Variants in PLXND1 observed in about 807,000 individuals in gnomAD.
The protein encoded by PLXND1 is plexin-D1.
In PLXND1, 54 loss-of-function variants were observed where a neutral mutation model predicts 197.7. The observed-to-expected ratio is 0.27, with a 90% CI of 0.22 to 0.34. The LOEUF (loss-of-function observed/expected upper bound fraction) is 0.34. Among genes scored for constraint, PLXND1 ranks in the 10% least tolerant of loss-of-function variants. PLXND1 has a pLI of 1.00. For missense variants in PLXND1, 2,127 were observed against 2,699.2 expected, an observed-to-expected ratio of 0.79 and a Z score of 4.70; for synonymous variants, 1,180 against 1,161.2, an observed-to-expected ratio of 1.02 and a Z score of -0.33.
intron 1 of PLXND1, among the ~76,000 whole-genome samples, chr3:129,595,058 G>A (rs1672721251): frequency 6.6e-6 from 1 of 152,160 alleles, no homozygotes; most frequent in South Asian, 2.1e-4. Context: ...AGCTTGGACA[G>A]CCCAGGTAGG....
chr3:129,572,891 G>A lies in PLXND1; in HGVS notation c.2888C>T (p.Thr963Ile), dbSNP rs375900369. 7.4e-6 allele frequency: 12 copies of A among 1,613,936 alleles called. No homozygotes were observed. In the African/African-American group the frequency reaches 1.2e-4, roughly 16 times the overall value. Residue 963 changes from threonine (T) to isoleucine (I), a missense_variant, in exon 14 of 36, where the codon ACC (threonine) becomes ATC (isoleucine). Transcript: ENST00000324093. ...CTTGCCCTCCTTAGAGGCGTTCACG[G>A]TCACCACACCTGAGAGTGGTCCTGG... Reference protein sequence around the residue: ...PAPGPLSGVVTVNASKEGKSR... With the variant: ...PAPGPLSGVVIVNASKEGKSR...
At chr3:129,591,422 G>A (rs1203793788) in intron 1 of PLXND1, 1 of 152,388 alleles carries the variant, frequency 6.6e-6, no homozygotes, top group Non-Finnish European at 1.5e-5. Context: ...CTTGAGTCCA[G>A]GAGTTCTAGG....
Position 129,560,711 on chromosome 3 carries a change from T to C in PLXND1, c.5006A>G (p.Asp1669Gly), listed in dbSNP as rs2085045257. 3 of 1,600,426 alleles carry C rather than the reference T, an allele frequency of 1.9e-6. No homozygotes were observed. In the Admixed American group the frequency reaches 5.0e-5, roughly 27 times the overall value. Residue 1669 changes from aspartate (D) to glycine (G), a missense_variant, in exon 30 of 36, where the codon GAC becomes GGC. By Grantham distance (94) the Asp-to-Gly change is moderately conservative (BLOSUM62 -1). Coordinates refer to ENST00000324093, the MANE Select transcript of PLXND1 (RefSeq NM_015103.3). Reference sequence around the variant, plus strand: ...CACCAAATGGAAATACTTCTCTGTGTCCAAGTCTTTCACTGTGAGAGGAAA... The same window carrying C: ...CACCAAATGGAAATACTTCTCTGTGCCCAAGTCTTTCACTGTGAGAGGAAA... ...DNTLGRVKDL[D>G]TEKYFHLVLP...
In PLXND1 at chr3:129,569,976, A is replaced by T. The variant is rs924497412; in HGVS notation, c.3751-19T>A. Reference sequence around the variant, plus strand: ...CCTGGATCTGTGCAGAGGTTGGGGAAGGGGGTTGTAGCTTTCCTGGACTTA... The same window carrying T: ...CCTGGATCTGTGCAGAGGTTGGGGATGGGGGTTGTAGCTTTCCTGGACTTA... On this transcript the variant is annotated intron_variant, in intron 19 of 35. Transcript: ENST00000324093. The T allele has an allele frequency of 2.1e-6, 3 of 1,411,692 alleles. No individual in the cohort carries two copies. Among genetic ancestry groups the T allele is most frequent in the Non-Finnish European group, 3.0e-6 (3 of 995,836 alleles). The allele number at this position is 1,411,692 out of a possible 1,614,324, so 87.4% of individuals were successfully genotyped here.
intron 18 of PLXND1, 28 bp downstream of exon 18, chr3:129,571,012 C>A (rs772348577): frequency 6.2e-7 from 1 of 1,612,982 alleles, no homozygotes; most frequent in African/African-American, 1.3e-5. Flanking sequence ...CGCTTGCCCC[C>A]GCCTACCCCG....
At chr3:129,563,997 T>G (rs978725886) in intron 25 of PLXND1, among the ~76,000 whole-genome samples, 1 of 152,256 alleles carries the variant, frequency 6.6e-6, no homozygotes, top group Non-Finnish European at 1.5e-5. Context: ...ACTGATTCCC[T>G]GCTTCCTAGA....
In PLXND1 at chr3:129,561,844, C is replaced by G. The variant is rs995504168; in HGVS notation, c.4885G>C (p.Val1629Leu). Residue 1629 changes from valine to leucine, a missense_variant, in exon 28 of 36, where the codon GTG becomes CTG. Around this residue, in one of 6 missense-constraint regions of PLXND1, gnomAD observed 532 missense variants for 811.0 expected, o/e 0.66. Coordinates refer to ENST00000324093, the MANE Select transcript of PLXND1 (RefSeq NM_015103.3). ...TTAAGCTTCTTGCGGCCGTCTTCCA[C>G]CACTGAGGTGTCGTCCAGGTCCCGA... ...ILRDLDDTSV[V>L]EDGRKKLNTL... is the part of the protein sequence containing the mutation. The G allele has an allele frequency of 2.5e-6, 4 of 1,614,016 alleles. No individual in the cohort carries two copies. Among genetic ancestry groups the G allele is most frequent in the Non-Finnish European group, 3.4e-6 (4 of 1,179,960 alleles).
At chr3:129,566,081 C>T (rs2085136100) in intron 23 of PLXND1, 64 bp from the exon 24 acceptor site, 2 of 1,586,406 alleles carry the variant, frequency 1.3e-6, no homozygotes, top group Admixed American at 1.7e-5. Flanking sequence ...GCCTAACAGC[C>T]AGTGCTTACG....
chr3:129,568,464 A>T (rs1169098683), intron 20 of PLXND1, among the ~76,000 whole-genome samples: 1 of 152,204 alleles, frequency 6.6e-6, no homozygotes, highest in Non-Finnish European at 1.5e-5. Context: ...GAATATACTC[A>T]CTTTAAAAAT....
intron 20 of PLXND1, among the ~76,000 whole-genome samples, chr3:129,568,022 C>T (rs1260479140): frequency 6.6e-6 from 1 of 151,812 alleles, no homozygotes; most frequent in African/African-American, 2.4e-5. Flanking sequence ...CAAAGCAATG[C>T]CTGATGACCC....
chr3:129,566,074 T>C, intron 23 of PLXND1, 57 bp from the exon 24 acceptor site: 3 of 1,596,738 alleles, frequency 1.9e-6, no homozygotes, highest in Non-Finnish European at 2.6e-6. Flanking sequence ...CTGCCTAGCC[T>C]AACAGCCAGT....
At chr3:129,574,272 G>A in intron 12 of PLXND1, 64 bp downstream of exon 12, 3 of 1,460,212 alleles carry the variant, frequency 2.1e-6, no homozygotes, top group South Asian at 1.3e-5. Context: ...TGGGACCCTC[G>A]AGGGCACTGC....
At chr3:129,598,659 G>A (rs959603969) in intron 1 of PLXND1, among the ~76,000 whole-genome samples, 20 of 152,268 alleles carry the variant, frequency 1.3e-4, no homozygotes, top group African/African-American at 4.6e-4. Context: ...CTCGGCGGAC[G>A]CAGAAGTTCC....
chr3:129,580,834 C>T (rs2085377026), intron 8 of PLXND1, among the ~76,000 whole-genome samples: 1 of 151,962 alleles, frequency 6.6e-6, no homozygotes, highest in Admixed American at 6.6e-5. Flanking sequence ...TCTGTACCCC[C>T]AGGGACCCCC....
At chr3:129,576,687 G>A (rs544326898) in intron 9 of PLXND1, among the ~76,000 whole-genome samples, 29 of 152,338 alleles carry the variant, frequency 1.9e-4, no homozygotes, top group Admixed American at 1.6e-3. Flanking sequence ...CCTCATGCAA[G>A]TTGACCCCTT....
At chr3:129,567,199 G>A (rs964232429) in intron 22 of PLXND1, among the ~76,000 whole-genome samples, 3 of 148,190 alleles carry the variant, frequency 2.0e-5, no homozygotes, top group Non-Finnish European at 4.4e-5. Flanking sequence ...AGCCCTGGCC[G>A]CTTCTGCCCC....
Position 129,584,143 on chromosome 3 carries a change from T to C in PLXND1, c.2120A>G (p.Gln707Arg), listed in dbSNP as rs770767418. ...FTIYDCSRTA[Q>R]VYPHTACTSC... ...CACTCACGCTGTGTGGGGGTACACT[T>C]GTGCAGTGCGGCTGCAGTCGTAGAT... Residue 707 changes from glutamine (Q) to arginine (R), a missense_variant, in exon 7 of 36, where the codon CAA becomes CGA. Gln to Arg is a conservative substitution (Grantham distance 43, BLOSUM62 1). Around this residue, in one of 6 missense-constraint regions of PLXND1, gnomAD observed 1,095 missense variants for 1,259.8 expected, o/e 0.87. Transcript: ENST00000324093. The C allele has an allele frequency of 1.3e-6, 2 of 1,563,222 alleles. No homozygotes were observed. Among genetic ancestry groups the C allele is most frequent in the Non-Finnish European group, 1.7e-6 (2 of 1,152,154 alleles).
intron 22 of PLXND1, 70 bp downstream of exon 22, chr3:129,567,422 G>A (rs995680466): frequency 3.4e-6 from 3 of 884,968 alleles, no homozygotes; most frequent in Admixed American, 2.0e-5. Context: ...TAGGCTGGCA[G>A]GGCTCAGAGA....
chr3:129,585,579 A>C (rs1183610219), intron 5 of PLXND1, among the ~76,000 whole-genome samples: 3 of 152,016 alleles, frequency 2.0e-5, no homozygotes, highest in Admixed American at 2.0e-4. Context: ...TCCAACTTGT[A>C]CCCTCCCTCC....
Sources: gnomAD v4.1 joint callset for allele counts (sites outside exome capture counted in the v4.1 genomes callset) on GRCh38, gnomAD v4.1.1 for gene constraint, gnomAD v4.1.1 regional missense constraint, MANE v1.5 for transcripts, NCBI Gene and HGNC (gene_info 2026-07-23, HGNC 2026-07-21) for gene names.